Variants in FGFBP3 observed in about 807,000 individuals in gnomAD.
FGFBP3 encodes the protein fibroblast growth factor binding protein 3.
In FGFBP3, 4 loss-of-function variants were observed where a neutral mutation model predicts 4.8. That is an observed-to-expected ratio of 0.83 (90% CI 0.41 to 1.90). The LOEUF (loss-of-function observed/expected upper bound fraction) is 1.90. Ranked by LOEUF, FGFBP3 falls within the 40% of genes most tolerant of loss-of-function variation. The probability of loss-of-function intolerance (pLI) is 0.03; values close to 1 mark genes in which losing one functional copy is unlikely to be tolerated. For synonymous variants in FGFBP3, 215 were observed against 190.0 expected (o/e 1.13, Z -1.08); for missense variants, 429 against 397.4 (o/e 1.08, Z -0.68).
rs1843301196 is a variant in FGFBP3, at chr10:91,906,664, C to T, written c.*1529G>A. On this transcript the variant is annotated 3_prime_UTR_variant, in exon 2 of 2. Transcript: ENST00000311575. ...CCTCCACATCCGTGGGCTCTGCATC[C>T]ACAGATTCAACAATGGATGGGAGGA... 2 of 152,164 alleles carry T rather than the reference C, an allele frequency of 1.3e-5. No homozygotes were observed. The highest frequency in any genetic ancestry group is 3.9e-4 in the East Asian group (2 of 5,182). 9.4% of individuals were successfully genotyped at this position (152,164 alleles called of 1,614,324 possible).
Position 91,908,157 on chromosome 10 carries a change from C to T in FGFBP3, c.*36G>A. The stretch of plus-strand genomic sequence containing the variant: ...GCCCTTAGCTTTCCCTTCCCCACGC[C>T]TCCCCCATCAACCCTCCCTAAGCCG... On this transcript the variant is annotated 3_prime_UTR_variant, in exon 2 of 2. Transcript: ENST00000311575. 6.3e-7 allele frequency: 1 copy of T among 1,585,072 alleles called. No individual in the cohort carries two copies. Among genetic ancestry groups the T allele is most frequent in the Non-Finnish European group, 8.6e-7 (1 of 1,168,724 alleles).
Position 91,908,712 on chromosome 10 carries a change from C to A in FGFBP3, c.258G>T (p.Ala86=). 1 of 1,383,692 alleles carries A rather than the reference C, an allele frequency of 7.2e-7. No homozygotes were observed. The highest frequency in any genetic ancestry group is 9.3e-7 in the Non-Finnish European group (1 of 1,076,726). The allele number at this position is 1,383,692 out of a possible 1,614,324, so 85.7% of individuals were successfully genotyped here. ...LALRCQSPDG[A]RHQCAYRGHP... ...GCCCGCGGTAGGCGCACTGGTGGCGCGCCCCGTCCGGGCTCTGGCAGCGCA... is the reference window on the plus strand; with the variant it reads ...GCCCGCGGTAGGCGCACTGGTGGCGAGCCCCGTCCGGGCTCTGGCAGCGCA... Residue 86 remains alanine (A), a synonymous_variant, in exon 2 of 2, where the codon GCG becomes GCT. Transcript: ENST00000311575.
Position 91,908,121 on chromosome 10 carries a change from CG to C in FGFBP3, c.*71del, listed in dbSNP as rs1843313161. 31 of 1,525,700 alleles carry C rather than the reference CG, an allele frequency of 2.0e-5. No homozygotes were observed. The highest frequency in any genetic ancestry group is 2.7e-5 in the Non-Finnish European group (31 of 1,141,210). The allele number at this position is 1,525,700 out of a possible 1,614,324, so 94.5% of individuals were successfully genotyped here. ...CCCCAATCTCTATCACAGTACCCCCCGGTCTAAGACGCCCTTAGCTTTCCCT... is the reference window on the plus strand; with the variant it reads ...CCCCAATCTCTATCACAGTACCCCCCGTCTAAGACGCCCTTAGCTTTCCCT... On this transcript the variant is annotated 3_prime_UTR_variant, in exon 2 of 2. Coordinates refer to ENST00000311575, the MANE Select transcript of FGFBP3 (RefSeq NM_152429.5).
At chr10:91,909,232 T>C (rs1843328555) in intron 1 of FGFBP3, 166 bp downstream of exon 1, 1 of 480,008 alleles carries the variant, frequency 2.1e-6, no homozygotes, top group African/African-American at 2.0e-5. Flanking sequence ...CATGTATGCA[T>C]TGAGATTTTC....
At position 91,907,865 on chromosome 10, in the gene FGFBP3, T is replaced by G; in HGVS notation, c.*328A>C. ...CACTTTAGTCACTCTATCTCCCCCT[T>G]ATTCTCAGCCTCCCTCTGCATCGAT... On this transcript the variant is annotated 3_prime_UTR_variant, in exon 2 of 2. Transcript: ENST00000311575. 1 of 279,322 alleles carries G rather than the reference T, an allele frequency of 3.6e-6. No individual in the cohort carries two copies. 17.3% of individuals were successfully genotyped at this position (279,322 alleles called of 1,614,324 possible).
At chr10:91,909,204 A>G (rs1843328403) in intron 1 of FGFBP3, 157 bp from the exon 2 acceptor site, 1 of 525,578 alleles carries the variant, frequency 1.9e-6, no homozygotes, top group East Asian at 3.5e-5. Context: ...CTTACTGTCT[A>G]AATAATCACT....
In FGFBP3 at chr10:91,908,502, G is replaced by A; in HGVS notation, c.468C>T (p.Arg156=). The A allele has an allele frequency of 7.2e-7, 1 of 1,382,930 alleles. No homozygotes were observed. The highest frequency in any genetic ancestry group is 3.1e-5 in the East Asian group (1 of 32,780). 85.7% of individuals were successfully genotyped at this position (1,382,930 alleles called of 1,614,324 possible). Residue 156 remains arginine (R), a synonymous_variant, in exon 2 of 2, where the codon CGC becomes CGT. Coordinates refer to ENST00000311575, the MANE Select transcript of FGFBP3 (RefSeq NM_152429.5). ...RLVPRASPPA[R]PTVAGFAGES... is the part of the protein sequence containing the mutation. Reference sequence around the variant, plus strand: ...CCCCCGCGAATCCCGCGACGGTGGGGCGTGCGGGCGGGGACGCGCGGGGCA... The same window carrying A: ...CCCCCGCGAATCCCGCGACGGTGGGACGTGCGGGCGGGGACGCGCGGGGCA...
At chr10:91,909,119 A>G in intron 1 of FGFBP3, 72 bp from the exon 2 acceptor site, 1 of 826,716 alleles carries the variant, frequency 1.2e-6, no homozygotes, top group Non-Finnish European at 1.8e-6. Flanking sequence ...TGCACCTGCG[A>G]ACTACTCTTC....
At position 91,906,855 on chromosome 10, in the gene FGFBP3, C is replaced by T. The variant is rs1843302783; in HGVS notation, c.*1338G>A. 6.6e-6 allele frequency: 1 copy of T among 152,184 alleles called. No homozygotes were observed. The highest frequency in any genetic ancestry group is 2.4e-5 in the African/African-American group (1 of 41,440). The allele number at this position is 152,184 out of a possible 1,614,324, so 9.4% of individuals were successfully genotyped here. On this transcript the variant is annotated 3_prime_UTR_variant, in exon 2 of 2. Transcript: ENST00000311575. ...GTTTAAGAACTTAATTCAAGGTGTA[C>T]TTGGAAGTAGATCAAATGCAGGTAG...
chr10:91,908,803 T>G lies in FGFBP3; in HGVS notation c.167A>C (p.Gln56Pro), dbSNP rs1843323991. Residue 56 changes from glutamine (Q) to proline (P), a missense_variant, in exon 2 of 2, where the codon CAG becomes CCG. Physicochemically the swap from Gln to Pro is moderately conservative, Grantham distance 76. Coordinates refer to ENST00000311575, the MANE Select transcript of FGFBP3 (RefSeq NM_152429.5). ...GSSGRFLSPE[Q>P]HACSWQLLLP... ...CAGGAGCTGCCAGCTGCACGCGTGC[T>G]GCTCGGGGCTGAGGAAGCGACCCGA... The G allele has an allele frequency of 6.9e-6, 10 of 1,454,422 alleles. No homozygotes were observed. The highest frequency in any genetic ancestry group is 1.3e-5 in the South Asian group (1 of 75,300). The allele number at this position is 1,454,422 out of a possible 1,614,324, so 90.1% of individuals were successfully genotyped here. A position where few individuals can be genotyped will look rare whatever the true frequency, so the allele number is the denominator to read the frequency against.
Position 91,909,021 on chromosome 10 carries a change from G to A in FGFBP3, c.-52C>T. ...TCTCAGACCACGTTTGTCGGGGCTG[G>A]ACCAGGCAAAGAGCATTCCCCAGGA... On this transcript the variant is annotated 5_prime_UTR_variant, in exon 2 of 2. Transcript: ENST00000311575. 6.6e-7 allele frequency: 1 copy of A among 1,516,812 alleles called. No individual in the cohort carries two copies. Among genetic ancestry groups the A allele is most frequent in the Non-Finnish European group, 8.8e-7 (1 of 1,134,174 alleles). The allele number at this position is 1,516,812 out of a possible 1,614,324, so 94.0% of individuals were successfully genotyped here. A position where few individuals can be genotyped will look rare whatever the true frequency, so the allele number is the denominator to read the frequency against.
rs763287480 is a variant in FGFBP3, at chr10:91,908,948, C to T, written c.22G>A (p.Ala8Thr). The T allele has an allele frequency of 1.1e-5, 17 of 1,600,758 alleles. No homozygotes were observed. Among genetic ancestry groups the T allele is most frequent in the South Asian group, 2.2e-5 (2 of 89,164 alleles). Residue 8 changes from alanine to threonine, a missense_variant, in exon 2 of 2, where the codon GCG becomes ACG. Transcript: ENST00000311575. MTPPKLR[A>T]SLSPSLLLLL... is the part of the protein sequence containing the mutation. The stretch of plus-strand genomic sequence containing the variant: ...AGCAGCAGCGACGGCGACAGCGACG[C>T]TCGCAGCTTCGGAGGAGTCATGCTC...
In FGFBP3 at chr10:91,908,672, C is replaced by G. The variant is rs192010535; in HGVS notation, c.298G>C (p.Ala100Pro). 13 of 1,428,960 alleles carry G rather than the reference C, an allele frequency of 9.1e-6. No individual in the cohort carries two copies. In the East Asian group the frequency reaches 1.2e-4, roughly 14 times the overall value. 88.5% of individuals were successfully genotyped at this position (1,428,960 alleles called of 1,614,324 possible). ...CAYRGHPERC[A>P]AYAARRAHFW... ...TGCGCGCGGCGAGCGGCGTAGGCTG[C>G]GCAGCGCTCCGGATGCCCGCGGTAG... is the stretch of plus-strand genomic sequence containing the variant. The change falls in exon 2 of 2, where the codon GCA becomes CCA. Residue 100 changes from alanine (A) to proline (P), a missense_variant. Ala to Pro is a conservative substitution (Grantham distance 27). Transcript: ENST00000311575.
intron 1 of FGFBP3, 62 bp from the exon 2 acceptor site, chr10:91,909,109 T>G: frequency 1.1e-6 from 1 of 919,378 alleles, no homozygotes; most frequent in Non-Finnish European, 1.6e-6. Flanking sequence ...CCCAGACACA[T>G]GCACCTGCGA....
chr10:91,908,797 G>A lies in FGFBP3; in HGVS notation c.173C>T (p.Ala58Val). 6.9e-7 allele frequency: 1 copy of A among 1,445,094 alleles called. No homozygotes were observed. Among genetic ancestry groups the A allele is most frequent in the Non-Finnish European group, 9.0e-7 (1 of 1,109,294 alleles). 89.5% of individuals were successfully genotyped at this position (1,445,094 alleles called of 1,614,324 possible). ...GGGCAGCAGGAGCTGCCAGCTGCAC[G>A]CGTGCTGCTCGGGGCTGAGGAAGCG... ...SGRFLSPEQH[A>V]CSWQLLLPAP... The change falls in exon 2 of 2, where the codon GCG becomes GTG. Residue 58 changes from alanine to valine, a missense_variant. Physicochemically the swap from Ala to Val is moderately conservative, Grantham distance 64. Transcript: ENST00000311575.
rs569023750 is a variant in FGFBP3, at chr10:91,908,362, T to C, written c.608A>G (p.Lys203Arg). The change falls in exon 2 of 2, where the codon AAG becomes AGG. Residue 203 changes from lysine to arginine, a missense_variant. Lys to Arg is a conservative substitution (Grantham distance 26, BLOSUM62 2). Coordinates refer to ENST00000311575, the MANE Select transcript of FGFBP3 (RefSeq NM_152429.5). ...CGCCTTCCTCTTGCCCTCGTTGGTC[T>C]TCCTCTCTGAGGGGTTTTCTTTGGG... ...APPKENPSER[K>R]TNEGKRKAAL... is the part of the protein sequence containing the mutation. 7.8e-5 allele frequency: 124 copies of C among 1,589,792 alleles called. No individual in the cohort carries two copies. The South Asian group carries it at 1.3e-3, about 16-fold the overall frequency.
At position 91,908,449 on chromosome 10, in the gene FGFBP3, C is replaced by T. The variant is rs779688626; in HGVS notation, c.521G>A (p.Gly174Glu). The T allele has an allele frequency of 7.1e-5, 104 of 1,474,358 alleles. No homozygotes were observed. The highest frequency in any genetic ancestry group is 7.9e-5 in the Non-Finnish European group (88 of 1,119,392). 91.3% of individuals were successfully genotyped at this position (1,474,358 alleles called of 1,614,324 possible). The part of the protein sequence containing the change: ...GESKPRARNR[G>E]RTRERASGPA... Reference sequence around the variant, plus strand: ...GCCGGACGCACGCTCCCGGGTCCGCCCCCGGTTCCGGGCCCGGGGCTTGGA... The same window carrying T: ...GCCGGACGCACGCTCCCGGGTCCGCTCCCGGTTCCGGGCCCGGGGCTTGGA... Residue 174 changes from glycine to glutamate, a missense_variant, in exon 2 of 2, where the codon GGG (glycine) becomes GAG (glutamate). Coordinates refer to ENST00000311575, the MANE Select transcript of FGFBP3 (RefSeq NM_152429.5).
In FGFBP3 at chr10:91,908,802, C is replaced by T. The variant is rs1356083206; in HGVS notation, c.168G>A (p.Gln56=). Residue 56 remains glutamine (Q), a synonymous_variant, in exon 2 of 2, where the codon CAG becomes CAA. Coordinates refer to ENST00000311575, the MANE Select transcript of FGFBP3 (RefSeq NM_152429.5). ...GSSGRFLSPE[Q]HACSWQLLLP... is the part of the protein sequence containing the mutation. ...GCAGGAGCTGCCAGCTGCACGCGTG[C>T]TGCTCGGGGCTGAGGAAGCGACCCG... The T allele has an allele frequency of 1.4e-6, 2 of 1,453,998 alleles. No individual in the cohort carries two copies. Among genetic ancestry groups the T allele is most frequent in the Non-Finnish European group, 1.8e-6 (2 of 1,112,650 alleles). The allele number at this position is 1,453,998 out of a possible 1,614,324, so 90.1% of individuals were successfully genotyped here.
Position 91,908,276 on chromosome 10 carries a change from C to G in FGFBP3, c.694G>C (p.Gly232Arg), listed in dbSNP as rs767330127. ...TAGGTCTCCGTGAGCTCCGCGTTCC[C>G]GTCCAGCCCGTCGGGGTCGGGCCCG... Reference protein sequence around the residue: ...GTGPDPDGLDGNAELTETYCA... With the variant: ...GTGPDPDGLDRNAELTETYCA... The change falls in exon 2 of 2, where the codon GGG (glycine) becomes CGG (arginine). Residue 232 changes from glycine (G) to arginine (R), a missense_variant. By Grantham distance (125) the Gly-to-Arg change is moderately radical (BLOSUM62 -2). Transcript: ENST00000311575. The G allele has an allele frequency of 1.9e-6, 3 of 1,604,484 alleles. No individual in the cohort carries two copies. Among genetic ancestry groups the G allele is most frequent in the Non-Finnish European group, 1.7e-6 (2 of 1,175,602 alleles).
Sources: gnomAD v4.1 joint callset for allele counts on GRCh38, gnomAD v4.1.1 for gene constraint, MANE v1.5 for transcripts, NCBI Gene and HGNC (gene_info 2026-07-23, HGNC 2026-07-21) for gene names.